Variants in RALGPS1 observed in about 807,000 individuals in gnomAD.
RALGPS1 encodes ras-specific guanine nucleotide-releasing factor RalGPS1.
RALGPS1 carries 19 observed loss-of-function variants against 78.8 expected under a neutral mutation model. That is an observed-to-expected ratio of 0.24 (90% CI 0.17 to 0.35). The LOEUF (loss-of-function observed/expected upper bound fraction) is 0.35, where lower values mean the gene tolerates loss of function less well. Ranked by LOEUF, RALGPS1 falls within the 10% of genes least tolerant of loss-of-function variation. The pLI is 1.00. For synonymous variants in RALGPS1, 228 were observed against 256.3 expected (o/e 0.89, Z 1.06); for missense variants, 454 against 688.3 (o/e 0.66, Z 3.81).
chr9:127,109,210 CT>C (rs2054559008), intron 8 of RALGPS1, among the ~76,000 whole-genome samples: 1 of 152,214 alleles, frequency 6.6e-6, no homozygotes, highest in South Asian at 2.1e-4. Context: ...CTATTCTATA[CT>C]TTCACACCCC....
At chr9:127,123,514 ATGGG>A (rs2056353184) in intron 8 of RALGPS1, among the ~76,000 whole-genome samples, 1 of 152,082 alleles carries the variant, frequency 6.6e-6, no homozygotes, top group Admixed American at 6.5e-5. Context: ...GACTCTGGAG[ATGGG>A]TGGATCAAGG....
At position 127,199,055 on chromosome 9, in the gene RALGPS1, A is replaced by G; in HGVS notation, c.1236A>G (p.Ser412=). 1 of 1,614,014 alleles carries G rather than the reference A, an allele frequency of 6.2e-7. No homozygotes were observed. The highest frequency in any genetic ancestry group is 8.5e-7 in the Non-Finnish European group (1 of 1,179,888). The change falls in exon 14 of 19, where the codon TCA becomes TCG. Residue 412 remains serine, a synonymous_variant. Coordinates refer to ENST00000259351, the MANE Select transcript of RALGPS1 (RefSeq NM_014636.3). ...CAGAGTTTAGTGAAGAGATGTCTTC[A>G]GGGCTGGAAAGGTGAGTGTGGCCTC... ...ESSEFSEEMS[S]GLESPTGPCI...
At chr9:127,206,194 G>A (rs535497817) in intron 14 of RALGPS1, among the ~76,000 whole-genome samples, 26 of 152,278 alleles carry the variant, frequency 1.7e-4, no homozygotes, top group African/African-American at 5.8e-4. Flanking sequence ...GCATCACCTG[G>A]GCCCTTCCAC....
intron 11 of RALGPS1, among the ~76,000 whole-genome samples, chr9:127,191,313 T>C (rs2061016543): frequency 6.6e-6 from 1 of 152,350 alleles, no homozygotes; most frequent in East Asian, 1.9e-4. Context: ...AAGATTATAA[T>C]GATTGTCTCC....
intron 8 of RALGPS1, among the ~76,000 whole-genome samples, chr9:127,154,080 A>T (rs1308029972): frequency 1.3e-5 from 2 of 152,096 alleles, no homozygotes; most frequent in African/African-American, 4.8e-5. Context: ...ACCCCACCAC[A>T]CAAGACCAGA....
At chr9:127,216,864 T>A in intron 18 of RALGPS1, 1 of 1,474,930 alleles carries the variant, frequency 6.8e-7, no homozygotes, top group South Asian at 1.4e-5. Flanking sequence ...AGGGCCGCTC[T>A]CTTAAGAGCA....
chr9:127,053,016 C>A (rs986386967), intron 7 of RALGPS1, 77 bp downstream of exon 7: 7 of 1,041,966 alleles, frequency 6.7e-6, no homozygotes, highest in Non-Finnish European at 1.1e-5. Flanking sequence ...CAAGCCCCAG[C>A]CTTTCTCTTA....
At chr9:126,922,980 A>G (rs1316624225) in intron 1 of RALGPS1, among the ~76,000 whole-genome samples, 1 of 152,234 alleles carries the variant, frequency 6.6e-6, no homozygotes, top group Non-Finnish European at 1.5e-5. Flanking sequence ...GGTGCAGTAC[A>G]GTCCCATCAG....
intron 1 of RALGPS1, among the ~76,000 whole-genome samples, chr9:126,961,664 C>T (rs1478333507): frequency 6.6e-6 from 1 of 152,150 alleles, no homozygotes; most frequent in Non-Finnish European, 1.5e-5. Context: ...AGCATGGTGG[C>T]ACATGCCTGT....
At chr9:127,186,162 GA>G (rs1315579901) in intron 11 of RALGPS1, among the ~76,000 whole-genome samples, 2 of 152,198 alleles carry the variant, frequency 1.3e-5, no homozygotes, top group Non-Finnish European at 2.9e-5. Context: ...GAAGTGTAAT[GA>G]AAACCAGATT....
chr9:127,113,782 G>A (rs2055109520), intron 8 of RALGPS1, among the ~76,000 whole-genome samples: 2 of 152,216 alleles, frequency 1.3e-5, no homozygotes, highest in African/African-American at 4.8e-5. Flanking sequence ...GCCTCTCCAG[G>A]GCTTGGGTCC....
intron 8 of RALGPS1, among the ~76,000 whole-genome samples, chr9:127,111,468 A>G (rs1041110239): frequency 6.6e-6 from 1 of 152,204 alleles, no homozygotes; most frequent in Non-Finnish European, 1.5e-5. Flanking sequence ...ATATTTGTTG[A>G]TGGAATGACA....
intron 11 of RALGPS1, among the ~76,000 whole-genome samples, chr9:127,191,986 G>A (rs34383746): frequency 2.0e-5 from 3 of 152,154 alleles, no homozygotes; most frequent in South Asian, 4.1e-4. Flanking sequence ...CGTGAGCCAC[G>A]GCGCCCGGCC....
At chr9:126,935,269 C>T (rs2036154175) in intron 1 of RALGPS1, among the ~76,000 whole-genome samples, 1 of 152,170 alleles carries the variant, frequency 6.6e-6, no homozygotes, top group Admixed American at 6.5e-5. Flanking sequence ...TGTTCAATGC[C>T]TTACACACAG....
rs1397839602 is a variant in RALGPS1, at chr9:127,222,442, T to G, written c.*3673T>G. The G allele has an allele frequency of 6.6e-6, 1 of 152,264 alleles. No homozygotes were observed. Among genetic ancestry groups the G allele is most frequent in the African/African-American group, 2.4e-5 (1 of 41,470 alleles). 9.4% of individuals were successfully genotyped at this position (152,264 alleles called of 1,614,324 possible). A position where few individuals can be genotyped will look rare whatever the true frequency, so the allele number is the denominator to read the frequency against. The stretch of plus-strand genomic sequence containing the variant: ...GGAATGAGAGAGTAGGGTCAAACTG[T>G]CACAGTATCTGCTCCATAGGTTTCT... On this transcript the variant is annotated 3_prime_UTR_variant, in exon 19 of 19. Transcript: ENST00000259351.
At chr9:126,942,819 G>A (rs921308018) in intron 1 of RALGPS1, among the ~76,000 whole-genome samples, 1 of 152,162 alleles carries the variant, frequency 6.6e-6, no homozygotes, top group Non-Finnish European at 1.5e-5. Context: ...ATTCCAGGGA[G>A]TGAAATGTCT....
chr9:127,128,331 T>G (rs547227858), intron 8 of RALGPS1, among the ~76,000 whole-genome samples: 7 of 152,380 alleles, frequency 4.6e-5, no homozygotes, highest in South Asian at 4.1e-4. Flanking sequence ...GCATGCTGCT[T>G]CTTGTTTTAA....
At chr9:127,207,861 C>G (rs1263329602) in intron 14 of RALGPS1, among the ~76,000 whole-genome samples, 1 of 152,246 alleles carries the variant, frequency 6.6e-6, no homozygotes, top group Non-Finnish European at 1.5e-5. Flanking sequence ...CCCGTGGCTC[C>G]AGAGAGAGCA....
chr9:127,197,241 T>C (rs1431733320), intron 13 of RALGPS1, among the ~76,000 whole-genome samples: 1 of 151,238 alleles, frequency 6.6e-6, no homozygotes, highest in Admixed American at 6.6e-5. Context: ...AGGCTGGTGT[T>C]GAGCTCTGGT....
Sources: allele counts gnomAD v4.1 joint callset (sites outside exome capture counted in the v4.1 genomes callset), GRCh38; gene constraint gnomAD v4.1.1; transcripts MANE v1.5; gene names NCBI Gene and HGNC (gene_info 2026-07-23, HGNC 2026-07-21).